SEZ6L2: variants seen among roughly 807,000 people sequenced by gnomAD.
The protein encoded by SEZ6L2 is seizure related 6 homolog like 2, also known as seizure 6-like protein 2.
Under a neutral mutation model 97.0 loss-of-function variants are expected in SEZ6L2, and 44 were observed. That is an observed-to-expected ratio of 0.45 (90% CI 0.36 to 0.58). The LOEUF (loss-of-function observed/expected upper bound fraction) is 0.58, where lower values mean the gene tolerates loss of function less well. Ranked by LOEUF, SEZ6L2 falls within the 20% of genes least tolerant of loss-of-function variation. SEZ6L2 has a pLI of 0.00. For synonymous variants in SEZ6L2, 543 were observed against 546.1 expected, an observed-to-expected ratio of 0.99 and a Z score of 0.08; for missense variants, 1,086 against 1,233.3, an observed-to-expected ratio of 0.88 and a Z score of 1.79.
intron 3 of SEZ6L2, 105 bp from the exon 4 acceptor site, chr16:29,895,965 T>C (rs1043146740): frequency 2.4e-6 from 3 of 1,251,044 alleles, no homozygotes; most frequent in African/African-American, 1.9e-5. Flanking sequence ...CTTCTCATCA[T>C]CTTTTTGTTT....
Position 29,872,420 on chromosome 16 carries a change from G to A in SEZ6L2, c.2634C>T (p.Ile878=). The change falls in exon 16 of 18, where the codon ATC becomes ATT. Residue 878 remains isoleucine (I), a synonymous_variant. Transcript: ENST00000617533. Reference sequence around the variant, plus strand: ...AGCAGGCTACTTACTTGGTGTAGTAGATGTAAACGCCACTGCCGAGGACAA... The same window carrying A: ...AGCAGGCTACTTACTTGGTGTAGTAAATGTAAACGCCACTGCCGAGGACAA... ...LVIVLGSGVY[I]YYTKLQGKSL... 4.3e-6 allele frequency: 7 copies of A among 1,614,134 alleles called. No homozygotes were observed. The highest frequency in any genetic ancestry group is 5.9e-6 in the Non-Finnish European group (7 of 1,179,952).
intron 7 of SEZ6L2, among the ~76,000 whole-genome samples, chr16:29,887,304 T>TC (rs941652238): frequency 4.6e-5 from 7 of 150,538 alleles, no homozygotes; most frequent in Non-Finnish European, 8.9e-5. Flanking sequence ...GGTGGGGACT[T>TC]CTTTTTTTTT....
At chr16:29,879,664 G>T (rs542320495) in intron 9 of SEZ6L2, among the ~76,000 whole-genome samples, 200 bp downstream of exon 9, 1 of 152,278 alleles carries the variant, frequency 6.6e-6, no homozygotes, top group South Asian at 2.1e-4. Context: ...AAGACATTTG[G>T]GTTTGTGACC....
At chr16:29,875,406 G>T in intron 12 of SEZ6L2, among the ~76,000 whole-genome samples, 1 of 152,146 alleles carries the variant, frequency 6.6e-6, no homozygotes, top group Non-Finnish European at 1.5e-5. Context: ...GTTCCCTCCT[G>T]AGCCCGAGGC....
At chr16:29,884,020 C>T (rs2150796079) in intron 8 of SEZ6L2, among the ~76,000 whole-genome samples, 1 of 152,260 alleles carries the variant, frequency 6.6e-6, no homozygotes, top group South Asian at 2.1e-4. Context: ...CTTGTTTCTA[C>T]CCCTTCACAT....
Position 29,873,507 on chromosome 16 carries a change from G to A in SEZ6L2, c.2296+31C>T, listed in dbSNP as rs537933110. Reference sequence around the variant, plus strand: ...AGACGGGCTCTCCCAGGGCTACCCAGCCACCCTCCCAGGGTGTGCCCCAGA... The same window carrying A: ...AGACGGGCTCTCCCAGGGCTACCCAACCACCCTCCCAGGGTGTGCCCCAGA... On this transcript the variant is annotated intron_variant, in intron 13 of 17. Coordinates refer to ENST00000617533, the MANE Select transcript of SEZ6L2 (RefSeq NM_001243332.2). This position sits in a 1 kb window ranked among gnomAD's most constrained non-coding sequence, Gnocchi z 4.3. The A allele has an allele frequency of 4.0e-5, 64 of 1,613,928 alleles. 2 individuals are homozygous for A. The South Asian group carries it at 6.4e-4, about 16-fold the overall frequency.
chr16:29,872,018 C>T (rs145041103), intron 17 of SEZ6L2, among the ~76,000 whole-genome samples, 169 bp downstream of exon 17: 361 of 152,238 alleles, frequency 2.4e-3, no homozygotes, highest in Non-Finnish European at 4.0e-3. Flanking sequence ...AGCCACAGTC[C>T]TCACCACTCC....
At chr16:29,883,634 T>C (rs1461374869) in intron 8 of SEZ6L2, among the ~76,000 whole-genome samples, 1 of 152,122 alleles carries the variant, frequency 6.6e-6, no homozygotes, top group Non-Finnish European at 1.5e-5. Context: ...CTTCCTCTTT[T>C]AAAATATCCT....
At chr16:29,885,209 AAAAT>A (rs34032092) in intron 8 of SEZ6L2, among the ~76,000 whole-genome samples, 48,160 of 151,110 alleles carry the variant, frequency 0.32, 7,924 homozygotes, top group African/African-American at 0.36. Context: ...CTCGTCTCAA[AAAAT>A]AAATAAATAA....
At chr16:29,874,550 GTTTTTTTTTTTTTTTTTTTTTTTT>G (rs541095994) in intron 12 of SEZ6L2, among the ~76,000 whole-genome samples, 81 of 32,528 alleles carry the variant, frequency 2.5e-3, no homozygotes, top group Non-Finnish European at 4.4e-3. Context: ...GTGTGTGCTT[GTTTTTTTTTTTTTTTTTTTTTTTT>G]TTTTTTTTTT....
rs1336054403 is a variant in SEZ6L2 at position 29,876,836 on chromosome 16, C to T, written c.2024G>A (p.Gly675Asp). 6.2e-7 allele frequency: 1 copy of T among 1,611,446 alleles called. No individual in the cohort carries two copies. Among genetic ancestry groups the T allele is most frequent in the Admixed American group, 1.7e-5 (1 of 59,696 alleles). ...AATGTCGGAGCCTAGCAGCTCGTAG[C>T]CAGGCTCGCACTGGTAGGTGAGCAC... ...GTVLTYQCEP[G>D]YELLGSDILT... The change falls in exon 12 of 18, where the codon GGC becomes GAC. Residue 675 changes from glycine to aspartate, a missense_variant. Gly to Asp is a moderately conservative substitution (Grantham distance 94). Transcript: ENST00000617533. The surrounding 1 kb of genome is among the most constrained non-coding windows in gnomAD (Gnocchi z 6.5).
chr16:29,871,717 C>T lies in SEZ6L2; in HGVS notation c.2754G>A (p.Glu918=). The change falls in exon 18 of 18, where the codon GAG becomes GAA. Residue 918 remains glutamate (E), a synonymous_variant. Transcript: ENST00000617533. ...NPLYEAGDTR[E]YEVSI Reference sequence around the variant, plus strand: ...TTGGGGTTCAGATGGAAACTTCATACTCCCGCGTATCCTGAAGACAGAGAG... The same window carrying T: ...TTGGGGTTCAGATGGAAACTTCATATTCCCGCGTATCCTGAAGACAGAGAG... The T allele has an allele frequency of 1.2e-6, 2 of 1,609,076 alleles. No individual in the cohort carries two copies. The highest frequency in any genetic ancestry group is 1.1e-5 in the South Asian group (1 of 89,948).
intron 5 of SEZ6L2, among the ~76,000 whole-genome samples, chr16:29,891,289 C>T (rs1049879353): frequency 4.0e-5 from 6 of 149,738 alleles, no homozygotes; most frequent in African/African-American, 1.5e-4. Flanking sequence ...GTCTTGAACT[C>T]CTGACCTCAG....
In SEZ6L2 at chr16:29,896,857, G is replaced by T; in HGVS notation, c.476C>A (p.Thr159Asn). Residue 159 changes from threonine (T) to asparagine (N), a missense_variant, in exon 3 of 18, where the codon ACC becomes AAC. Around this residue, in one of 2 missense-constraint regions of SEZ6L2, gnomAD observed 776 missense variants for 794.7 expected, o/e 0.98. Coordinates refer to ENST00000617533, the MANE Select transcript of SEZ6L2 (RefSeq NM_001243332.2). ...GEEETTTTII[T>N]TTTVTTTVTS... ...CACCGTAGTGGTAACAGTTGTCGTGGTGATGATGGTGGTCGTCGTCTCCTC... is the reference window on the plus strand; with the variant it reads ...CACCGTAGTGGTAACAGTTGTCGTGTTGATGATGGTGGTCGTCGTCTCCTC... 6.2e-7 allele frequency: 1 copy of T among 1,613,142 alleles called. No individual in the cohort carries two copies. The highest frequency in any genetic ancestry group is 8.5e-7 in the Non-Finnish European group (1 of 1,179,652).
intron 6 of SEZ6L2, among the ~76,000 whole-genome samples, chr16:29,888,270 A>C (rs2150803973): frequency 6.6e-6 from 1 of 152,232 alleles, no homozygotes; most frequent in African/African-American, 2.4e-5. Context: ...ACGCTACCCC[A>C]GAAGGGACCT....
chr16:29,895,249 A>G lies in SEZ6L2; in HGVS notation c.853+10T>C, dbSNP rs1297326944. ...CCCTGCCCTTCCAGCAGCACCCTCA[A>G]ACTCCTCACCCTGATAGTGGATCCT... On this transcript the variant is annotated intron_variant, in intron 5 of 17. Coordinates refer to ENST00000617533, the MANE Select transcript of SEZ6L2 (RefSeq NM_001243332.2). 6.2e-7 allele frequency: 1 copy of G among 1,613,042 alleles called. No homozygotes were observed. The highest frequency in any genetic ancestry group is 2.2e-5 in the East Asian group (1 of 44,854).
In SEZ6L2 at chr16:29,872,286, G is replaced by T. The variant is rs1596953993; in HGVS notation, c.2646-3C>A. 6.2e-7 allele frequency: 1 copy of T among 1,610,324 alleles called. No individual in the cohort carries two copies. Among genetic ancestry groups the T allele is most frequent in the Non-Finnish European group, 8.5e-7 (1 of 1,177,994 alleles). On this transcript the variant is annotated splice_polypyrimidine_tract_variant and splice_region_variant and intron_variant, in intron 16 of 17. Transcript: ENST00000617533. ...CGAAAAGGGACTTTCCCTGAAGCCTGGGAAAGGGAGAGGACAGAGGAGCTT... is the reference window on the plus strand; with the variant it reads ...CGAAAAGGGACTTTCCCTGAAGCCTTGGAAAGGGAGAGGACAGAGGAGCTT...
rs1596965874 is a variant in SEZ6L2 at position 29,878,441 on chromosome 16, T to G, written c.1574-16A>C. The G allele has an allele frequency of 6.3e-7, 1 of 1,585,628 alleles. No homozygotes were observed. The highest frequency in any genetic ancestry group is 8.6e-7 in the Non-Finnish European group (1 of 1,161,836). On this transcript the variant is annotated splice_polypyrimidine_tract_variant and intron_variant, in intron 9 of 17. Transcript: ENST00000617533. ...CCACACATGGCTAGGGAAAAAGGGG[T>G]GTCAGGTTCAGGACCCAGGTGGGCA...
chr16:29,872,291 A>C lies in SEZ6L2; in HGVS notation c.2646-8T>G, dbSNP rs891925936. 3 of 1,610,042 alleles carry C rather than the reference A, an allele frequency of 1.9e-6. No homozygotes were observed. The highest frequency in any genetic ancestry group is 2.5e-6 in the Non-Finnish European group (3 of 1,177,764). ...AGGGACTTTCCCTGAAGCCTGGGAA[A>C]GGGAGAGGACAGAGGAGCTTATCAA... On this transcript the variant is annotated splice_polypyrimidine_tract_variant and splice_region_variant and intron_variant, in intron 16 of 17. Coordinates refer to ENST00000617533, the MANE Select transcript of SEZ6L2 (RefSeq NM_001243332.2).
Sources: allele counts gnomAD v4.1 joint callset (sites outside exome capture counted in the v4.1 genomes callset), GRCh38; gene constraint gnomAD v4.1.1; regional missense constraint gnomAD v4.1.1; non-coding constraint Gnocchi (gnomAD v3.1); transcripts MANE v1.5; gene names NCBI Gene and HGNC (gene_info 2026-07-23, HGNC 2026-07-21).